The following LRP1B variants were observed in gnomAD, a reference collection of about 807,000 sequenced individuals.
LRP1B encodes the protein LDL receptor related protein 1B, also known as low-density lipoprotein receptor-related protein 1B.
A neutral mutation model predicts 556.6 loss-of-function variants in LRP1B; 217 were observed. That is an observed-to-expected ratio of 0.39 (90% CI 0.35 to 0.44). LRP1B has a LOEUF of 0.44. Ranked by LOEUF, LRP1B falls within the 20% of genes least tolerant of loss-of-function variation. The pLI is 1.00. For missense variants in LRP1B, 5,053 were observed against 5,620.8 expected, an observed-to-expected ratio of 0.90 and a Z score of 3.23; for synonymous variants, 2,047 against 1,865.8, an observed-to-expected ratio of 1.10 and a Z score of -2.50.
At chr2:141,676,839 C>A (rs1314097148) in intron 2 of LRP1B, among the ~76,000 whole-genome samples, 1 of 152,110 alleles carries the variant, frequency 6.6e-6, no homozygotes, top group African/African-American at 2.4e-5. Context: ...GAAGATAGAA[C>A]TTGCAGTAGA....
chr2:140,464,351 T>C (rs1023486844), intron 60 of LRP1B, among the ~76,000 whole-genome samples: 1 of 152,182 alleles, frequency 6.6e-6, no homozygotes, highest in Non-Finnish European at 1.5e-5. Context: ...TCAAATAATA[T>C]GTACTCTCCA....
chr2:141,126,323 C>T (rs1037434449), intron 7 of LRP1B, among the ~76,000 whole-genome samples: 3 of 152,114 alleles, frequency 2.0e-5, no homozygotes, highest in Admixed American at 1.3e-4. Flanking sequence ...CATGAGCCAT[C>T]GCTCCTGCCC....
chr2:141,360,901 G>T (rs1688802942), intron 3 of LRP1B, among the ~76,000 whole-genome samples: 3 of 152,282 alleles, frequency 2.0e-5, no homozygotes, highest in Admixed American at 2.0e-4. Context: ...CTTAGCAAAT[G>T]AAGTGATGTG....
intron 11 of LRP1B, among the ~76,000 whole-genome samples, chr2:141,027,211 T>C (rs1486020263): frequency 6.6e-6 from 1 of 152,102 alleles, no homozygotes; most frequent in African/African-American, 2.4e-5. Context: ...CCGTATATAG[T>C]GAAAGTCTGC....
intron 43 of LRP1B, among the ~76,000 whole-genome samples, chr2:140,574,703 T>C (rs538638685): frequency 1.8e-4 from 28 of 152,214 alleles, no homozygotes; most frequent in Non-Finnish European, 2.6e-4. Context: ...CTAATCAGTA[T>C]ATAAATCACT....
chr2:141,107,194 AAAT>A (rs1700626690), intron 7 of LRP1B, among the ~76,000 whole-genome samples: 1 of 152,212 alleles, frequency 6.6e-6, no homozygotes, highest in Non-Finnish European at 1.5e-5. Flanking sequence ...AAGACTTAGT[AAAT>A]AATAGCATAT....
At chr2:140,361,038 T>C (rs1240559179) in intron 72 of LRP1B, among the ~76,000 whole-genome samples, 1 of 151,294 alleles carries the variant, frequency 6.6e-6, no homozygotes, top group Non-Finnish European at 1.5e-5. Context: ...ACCTTTTCCC[T>C]ATTCACCAAT....
chr2:140,340,407 T>TTTTA (rs2105094997), intron 77 of LRP1B, among the ~76,000 whole-genome samples: 1 of 151,754 alleles, frequency 6.6e-6, no homozygotes, highest in South Asian at 2.1e-4. Context: ...TAGCCTTAAA[T>TTTTA]ACATATCTAT....
rs534371139 is a variant in LRP1B, at chr2:140,247,746, T to C, written c.13248-584A>G. 2.4e-3 allele frequency among the ~76,000 whole-genome samples: 371 copies of C among 151,738 alleles called. 3 individuals are homozygous for C. Among genetic ancestry groups the C allele is most frequent in the Non-Finnish European group, 4.4e-3 (298 of 67,734 alleles). On this transcript the variant is annotated intron_variant, in intron 86 of 90. Transcript: ENST00000389484. Reference sequence around the variant, plus strand: ...CAAGTTTTTATTGGGAGAAGTTGTTTTTCCCATGTAAGTACTATAACACTA... The same window carrying C: ...CAAGTTTTTATTGGGAGAAGTTGTTCTTCCCATGTAAGTACTATAACACTA...
intron 2 of LRP1B, among the ~76,000 whole-genome samples, chr2:141,779,249 C>T (rs1695167510): frequency 6.6e-6 from 1 of 151,932 alleles, no homozygotes; most frequent in Non-Finnish European, 1.5e-5. Flanking sequence ...TCTAAAATTC[C>T]CTGTCTCCAT....
In LRP1B at chr2:140,598,632, T is replaced by C. The variant is rs773686609; in HGVS notation, c.7193A>G (p.His2398Arg). The change falls in exon 43 of 91, where the codon CAT becomes CGT. Residue 2398 changes from histidine to arginine, a missense_variant and splice_region_variant. By Grantham distance (29) the His-to-Arg change is conservative. Coordinates refer to ENST00000389484, the MANE Select transcript of LRP1B (RefSeq NM_018557.3). ...CCAAGAAATTCCTGATTAACTTACATGTCTCTGGGATCCATCGTATTCACA... is the reference window on the plus strand; with the variant it reads ...CCAAGAAATTCCTGATTAACTTACACGTCTCTGGGATCCATCGTATTCACA... Reference protein sequence around the residue: ...ERCEYDGSQRHVIVKSGPGTF... With the variant: ...ERCEYDGSQRRVIVKSGPGTF... 9 of 1,610,564 alleles carry C rather than the reference T, an allele frequency of 5.6e-6. No homozygotes were observed. Among genetic ancestry groups the C allele is most frequent in the Non-Finnish European group, 7.6e-6 (9 of 1,176,986 alleles).
At chr2:140,575,503 T>C (rs1681484999) in intron 43 of LRP1B, among the ~76,000 whole-genome samples, 1 of 152,190 alleles carries the variant, frequency 6.6e-6, no homozygotes, top group African/African-American at 2.4e-5. Context: ...CCATGGCTTA[T>C]GTTCAAAATC....
rs373271371 is a variant in LRP1B at position 140,909,310 on chromosome 2, T to C, written c.3320-1233A>G. The stretch of plus-strand genomic sequence containing the variant: ...GCAAATACAAGGGAAATGGAAAATA[T>C]TACATTGTATATATCCAAAAGTCAT... On this transcript the variant is annotated intron_variant, in intron 21 of 90. Transcript: ENST00000389484. 1.1e-4 allele frequency among the ~76,000 whole-genome samples: 17 copies of C among 152,252 alleles called. No individual in the cohort carries two copies. In the South Asian group the frequency reaches 3.5e-3, roughly 32 times the overall value.
chr2:140,592,131 T>A (rs1682252665), intron 43 of LRP1B, among the ~76,000 whole-genome samples: 1 of 152,194 alleles, frequency 6.6e-6, no homozygotes, highest in Non-Finnish European at 1.5e-5. Flanking sequence ...TCCTTTATAT[T>A]ATAGTTCAGG....
In LRP1B at chr2:141,570,192, C is replaced by T. The variant is rs142843710; in HGVS notation, c.206-89659G>A. On this transcript the variant is annotated intron_variant, in intron 2 of 90. Transcript: ENST00000389484. ...AAGTGTGTGAATCCTTCACCCCCAA[C>T]GAAGGCCTCTGGGTTGGTGGATCAT... Among the ~76,000 whole-genome samples the T allele has an allele frequency of 2.0e-3, 301 of 151,164 alleles. 3 individuals carry two copies. The highest frequency in any genetic ancestry group is 6.9e-3 in the African/African-American group (286 of 41,432).
At chr2:140,885,820 T>C (rs1207554855) in intron 24 of LRP1B, among the ~76,000 whole-genome samples, 6 of 150,522 alleles carry the variant, frequency 4.0e-5, no homozygotes, top group Non-Finnish European at 8.9e-5. Context: ...AAAAAACAAG[T>C]TATTGTAACT....
chr2:141,204,033 A>G lies in LRP1B; in HGVS notation c.851-15450T>C, dbSNP rs185293797. On this transcript the variant is annotated intron_variant, in intron 6 of 90. Transcript: ENST00000389484. The stretch of plus-strand genomic sequence containing the variant: ...AATCTCTGGGACACATTTAAAGCAG[A>G]GTGTAGAGGGAAATATATAGCATTA... 3.4e-3 allele frequency among the ~76,000 whole-genome samples: 521 copies of G among 152,208 alleles called. 4 individuals carry two copies. Among genetic ancestry groups the G allele is most frequent in the African/African-American group, 0.012 (497 of 41,544 alleles).
intron 3 of LRP1B, among the ~76,000 whole-genome samples, chr2:141,269,925 C>A (rs1573735785): frequency 6.6e-6 from 1 of 151,870 alleles, no homozygotes; most frequent in Non-Finnish European, 1.5e-5. Flanking sequence ...ATGACAACAG[C>A]ACATAGACAA....
chr2:141,350,958 T>C (rs1233092347), intron 3 of LRP1B, among the ~76,000 whole-genome samples: 1 of 152,084 alleles, frequency 6.6e-6, no homozygotes, highest in African/African-American at 2.4e-5. Flanking sequence ...GAGGTGATTA[T>C]ATGTAACTCT....
Sources: gnomAD v4.1 joint callset for allele counts (sites outside exome capture counted in the v4.1 genomes callset) on GRCh38, gnomAD v4.1.1 for gene constraint, MANE v1.5 for transcripts, NCBI Gene and HGNC (gene_info 2026-07-23, HGNC 2026-07-21) for gene names.